The following SH3RF3 variants were observed in gnomAD, a reference collection of about 807,000 sequenced individuals.
The protein encoded by SH3RF3 is E3 ubiquitin-protein ligase SH3RF3.
Under a neutral mutation model 66.3 loss-of-function variants are expected in SH3RF3, and 29 were observed. The observed-to-expected ratio is 0.44, with a 90% CI of 0.33 to 0.60. SH3RF3 has a LOEUF of 0.60. Among genes scored for constraint, SH3RF3 ranks in the 20% least tolerant of loss-of-function variants. SH3RF3 has a pLI of 0.04. For missense variants in SH3RF3, 1,194 were observed against 1,190.9 expected (o/e 1.00, Z -0.04); for synonymous variants, 583 against 532.0 (o/e 1.10, Z -1.32).
chr2:109,311,855 T>A (rs1367423334), intron 1 of SH3RF3, among the ~76,000 whole-genome samples: 1 of 132,682 alleles, frequency 7.5e-6, no homozygotes, highest in Non-Finnish European at 1.5e-5. Flanking sequence ...GTTATTTTTT[T>A]AATTAAAGTT....
intron 2 of SH3RF3, among the ~76,000 whole-genome samples, chr2:109,354,035 T>G (rs2105592245): frequency 6.6e-6 from 1 of 152,182 alleles, no homozygotes; most frequent in South Asian, 2.1e-4. Context: ...GCCCGCTAGG[T>G]GGGGGAGCTG....
chr2:109,476,704 A>G (rs2104747731), intron 8 of SH3RF3, among the ~76,000 whole-genome samples: 1 of 152,332 alleles, frequency 6.6e-6, no homozygotes, highest in South Asian at 2.1e-4. Flanking sequence ...CTGTAAAGTG[A>G]AAGCAAGTTT....
chr2:109,129,380 C>T lies in SH3RF3; in HGVS notation c.-161C>T. ...CCGCCACGCAGGCCGGTCGGTGAGC[C>T]ACTTCGCACCGCCACAGCCCTAGCA... On this transcript the variant is annotated 5_prime_UTR_variant, in exon 1 of 10. Coordinates refer to ENST00000309415, the MANE Select transcript of SH3RF3 (RefSeq NM_001099289.3). The T allele has an allele frequency of 8.5e-7, 1 of 1,179,748 alleles. No individual in the cohort carries two copies. The highest frequency in any genetic ancestry group is 1.2e-6 in the Non-Finnish European group (1 of 844,368). The allele number at this position is 1,179,748 out of a possible 1,614,324, so 73.1% of individuals were successfully genotyped here.
chr2:109,445,186 G>A lies in SH3RF3; in HGVS notation c.1829-3984G>A, dbSNP rs72824756. Among the ~76,000 whole-genome samples the A allele has an allele frequency of 3.5e-3, 535 of 152,304 alleles. 2 individuals carry two copies. Among genetic ancestry groups the A allele is most frequent in the Non-Finnish European group, 5.9e-3 (402 of 68,016 alleles). ...GTGAAAGAGATGTATAAACATGGAG[G>A]ATAGATTGAGGAGCTCCAAACTACT... is the stretch of plus-strand genomic sequence containing the variant. On this transcript the variant is annotated intron_variant, in intron 7 of 9. Coordinates refer to ENST00000309415, the MANE Select transcript of SH3RF3 (RefSeq NM_001099289.3).
At chr2:109,235,321 C>T (rs2105199585) in intron 1 of SH3RF3, among the ~76,000 whole-genome samples, 1 of 152,196 alleles carries the variant, frequency 6.6e-6, no homozygotes, top group East Asian at 1.9e-4. Context: ...TTCCTACCTC[C>T]TCTTCATCCA....
chr2:109,428,080 C>A (rs1477140243), intron 5 of SH3RF3, among the ~76,000 whole-genome samples: 1 of 152,238 alleles, frequency 6.6e-6, no homozygotes, highest in Non-Finnish European at 1.5e-5. Context: ...TGCTGTGGGT[C>A]TTCCCTGCAG....
intron 1 of SH3RF3, among the ~76,000 whole-genome samples, chr2:109,176,952 T>C (rs965716055): frequency 6.6e-6 from 1 of 152,122 alleles, no homozygotes; most frequent in African/African-American, 2.4e-5. Context: ...CTTGGGAGAT[T>C]TGGCATTTTA....
intron 2 of SH3RF3, among the ~76,000 whole-genome samples, chr2:109,355,747 G>T (rs73955555): frequency 0.012 from 1,774 of 152,294 alleles, 35 homozygotes; most frequent in African/African-American, 0.04. Context: ...AACTTAACAC[G>T]CAGGTCCATG....
rs547324633 is a variant in SH3RF3, at chr2:109,190,374, A to G, written c.573+60261A>G. Among the ~76,000 whole-genome samples, 4 of 152,348 alleles carry G rather than the reference A, an allele frequency of 2.6e-5. No homozygotes were observed. In the East Asian group the frequency reaches 7.7e-4, roughly 29 times the overall value. ...CTTGTAGTAGAGATGGGGTTTCGCC[A>G]TGTTGGCCAGGCTGGTCTCAAATTC... On this transcript the variant is annotated intron_variant, in intron 1 of 9. Coordinates refer to ENST00000309415, the MANE Select transcript of SH3RF3 (RefSeq NM_001099289.3).
intron 8 of SH3RF3, among the ~76,000 whole-genome samples, chr2:109,470,828 G>A (rs1678484049): frequency 1.3e-5 from 2 of 152,232 alleles, no homozygotes; most frequent in Non-Finnish European, 1.5e-5. Context: ...AACAAAGGGT[G>A]CTGACATTTC....
At chr2:109,302,173 G>A (rs778257611) in intron 1 of SH3RF3, among the ~76,000 whole-genome samples, 20 of 152,316 alleles carry the variant, frequency 1.3e-4, no homozygotes, top group Non-Finnish European at 2.2e-4. Flanking sequence ...CAAAGCTGGC[G>A]TTGGTACTCC....
chr2:109,459,198 TAAG>T (rs1559094949), intron 8 of SH3RF3, among the ~76,000 whole-genome samples: 2 of 152,080 alleles, frequency 1.3e-5, no homozygotes, highest in Non-Finnish European at 2.9e-5. Flanking sequence ...CATGGTGAGA[TAAG>T]AGAGAGAAGA....
chr2:109,238,449 TTGTGTGTGTGTGTGTGTGTGTGTGTGTG>T (rs56112018), intron 1 of SH3RF3, among the ~76,000 whole-genome samples: 5 of 142,714 alleles, frequency 3.5e-5, no homozygotes, highest in Admixed American at 2.8e-4. Context: ...TTATGTATAT[TTGTGTGTGTGTGTGTGTGTGTGTGTGTG>T]TGTGTGTGTG....
intron 1 of SH3RF3, among the ~76,000 whole-genome samples, chr2:109,243,363 C>T (rs1298394980): frequency 6.6e-6 from 1 of 152,258 alleles, no homozygotes; most frequent in Non-Finnish European, 1.5e-5. Flanking sequence ...CTGTTCACCC[C>T]TTACCAGATA....
Position 109,452,273 on chromosome 2 carries a change from G to A in SH3RF3, c.2148+2784G>A, listed in dbSNP as rs562312591. ...GCAGCCAGCACACTCCCTGCAGGCC[G>A]CTTCCTGAGCCCCACCCCTCCATGA... On this transcript the variant is annotated intron_variant, in intron 8 of 9. Coordinates refer to ENST00000309415, the MANE Select transcript of SH3RF3 (RefSeq NM_001099289.3). Among the ~76,000 whole-genome samples, 5 of 152,250 alleles carry A rather than the reference G, an allele frequency of 3.3e-5. No individual in the cohort carries two copies. The South Asian group carries it at 6.2e-4, about 19-fold the overall frequency.
chr2:109,420,004 G>A (rs938867211), intron 5 of SH3RF3, among the ~76,000 whole-genome samples: 3 of 152,216 alleles, frequency 2.0e-5, no homozygotes, highest in African/African-American at 7.2e-5. Context: ...CAGAGCAGCG[G>A]GTAGTCTAGG....
chr2:109,439,026 T>C (rs1220514276), intron 7 of SH3RF3, among the ~76,000 whole-genome samples: 3 of 152,184 alleles, frequency 2.0e-5, no homozygotes, highest in Non-Finnish European at 4.4e-5. Context: ...CTGCCCAGAA[T>C]AGCCAGTATA....
intron 4 of SH3RF3, among the ~76,000 whole-genome samples, chr2:109,413,272 G>A (rs1216034726): frequency 6.6e-6 from 1 of 152,110 alleles, no homozygotes; most frequent in Non-Finnish European, 1.5e-5. Flanking sequence ...TTGCCACAAT[G>A]CCCAGCTAAT....
chr2:109,333,862 TATG>T (rs1022598884), intron 1 of SH3RF3, among the ~76,000 whole-genome samples: 47 of 152,300 alleles, frequency 3.1e-4, no homozygotes, highest in African/African-American at 1.1e-3. Context: ...TAATTATAAT[TATG>T]ATGATATAAT....
Sources: allele counts gnomAD v4.1 joint callset (sites outside exome capture counted in the v4.1 genomes callset), GRCh38; gene constraint gnomAD v4.1.1; transcripts MANE v1.5; gene names NCBI Gene and HGNC (gene_info 2026-07-23, HGNC 2026-07-21).